Variants in NEMP2 observed in about 807,000 individuals in gnomAD.
The protein encoded by NEMP2 is nuclear envelope integral membrane protein 2.
In NEMP2, 53 loss-of-function variants were observed where a neutral mutation model predicts 54.2. The ratio of observed to expected loss-of-function variants is 0.98; its 90% CI spans 0.78 to 1.23. The LOEUF (loss-of-function observed/expected upper bound fraction) is 1.23, where lower values mean the gene tolerates loss of function less well. NEMP2 is among the 50% of genes most tolerant of loss of function. The pLI is 0.00. For missense variants in NEMP2, 455 were observed against 511.3 expected, an observed-to-expected ratio of 0.89 and a Z score of 1.06; for synonymous variants, 197 against 190.3, an observed-to-expected ratio of 1.04 and a Z score of -0.29.
chr2:190,611,328 A>G, the NEMP2 span, among the ~76,000 whole-genome samples: 1 of 152,342 alleles, frequency 6.6e-6, no homozygotes, highest in South Asian at 2.1e-4. This position sits in a 1 kb window ranked among gnomAD's most constrained non-coding sequence, Gnocchi z 5.4. Context: ...TCTGTATAAT[A>G]TTTATACCAA....
At chr2:190,595,144 A>C in the NEMP2 span, among the ~76,000 whole-genome samples, 20 of 152,294 alleles carry the variant, frequency 1.3e-4, no homozygotes, top group East Asian at 2.9e-3. The surrounding 1 kb of genome is among the most constrained non-coding windows in gnomAD (Gnocchi z 4.0). Context: ...CAAAAACAAG[A>C]AATGGGGGAA....
chr2:190,557,237 A>G, the NEMP2 span, among the ~76,000 whole-genome samples: 4 of 152,258 alleles, frequency 2.6e-5, no homozygotes, highest in African/African-American at 4.8e-5. Flanking sequence ...ACAATTCCCT[A>G]TTTAATAAAT....
In NEMP2 at chr2:190,527,538, A is replaced by G. The variant is rs2125341293; in HGVS notation, c.98-2160T>C. Among the ~76,000 whole-genome samples, 1 of 152,308 alleles carries G rather than the reference A, an allele frequency of 6.6e-6. No individual in the cohort carries two copies. The highest frequency in any genetic ancestry group is 1.5e-5 in the Non-Finnish European group (1 of 68,018). On this transcript the variant is annotated intron_variant, in intron 1 of 8. Coordinates refer to ENST00000409150, the MANE Select transcript of NEMP2 (RefSeq NM_001142645.2). The surrounding 1 kb of genome is among the most constrained non-coding windows in gnomAD (Gnocchi z 4.0). ...TACTCTTCACATTATGATAAAATGC[A>G]TATGTTTCTAAATATATCAAGAAAT...
At chr2:190,616,711 T>C in the NEMP2 span, 1 of 152,192 alleles carries the variant, frequency 6.6e-6, no homozygotes, top group East Asian at 1.9e-4. This position sits in a 1 kb window ranked among gnomAD's most constrained non-coding sequence, Gnocchi z 5.1. Context: ...GTTCCTAACC[T>C]AAACTCTAAG....
chr2:190,510,044 C>G lies in NEMP2; in HGVS notation c.1130+317G>C, dbSNP rs778784010. The stretch of plus-strand genomic sequence containing the variant: ...TGACAGAGCAAGACTCCATCTAAAA[C>G]AAAACAAAACAAAAAAGATTTTCCC... On this transcript the variant is annotated intron_variant, in intron 8 of 8. Coordinates refer to ENST00000409150, the MANE Select transcript of NEMP2 (RefSeq NM_001142645.2). This position sits in a 1 kb window ranked among gnomAD's most constrained non-coding sequence, Gnocchi z 5.7. Among the ~76,000 whole-genome samples the G allele has an allele frequency of 6.6e-6, 1 of 152,170 alleles. No homozygotes were observed. Among genetic ancestry groups the G allele is most frequent in the Admixed American group, 6.5e-5 (1 of 15,282 alleles).
chr2:190,633,127 G>A, the NEMP2 span, among the ~76,000 whole-genome samples: 1 of 152,068 alleles, frequency 6.6e-6, no homozygotes. Flanking sequence ...AGTGCATTCT[G>A]ATTGCACCCT....
the NEMP2 span, among the ~76,000 whole-genome samples, chr2:190,494,857 A>G: frequency 1.3e-5 from 2 of 152,190 alleles, no homozygotes; most frequent in African/African-American, 2.4e-5. This position sits in a 1 kb window ranked among gnomAD's most constrained non-coding sequence, Gnocchi z 5.7. Context: ...ACACAGTGAA[A>G]TAAAAGCCAT....
downstream of NEMP2, chr2:190,500,069 T>A: frequency 6.2e-7 from 1 of 1,614,194 alleles, no homozygotes; most frequent in Non-Finnish European, 8.5e-7. This position sits in a 1 kb window ranked among gnomAD's most constrained non-coding sequence, Gnocchi z 5.3. Flanking sequence ...GCCTGTCCCA[T>A]GTGAGACTCA....
In NEMP2 at chr2:190,513,279, C is replaced by T. The variant is rs979576124; in HGVS notation, c.953+1174G>A. ...GAGATTTCACATTCTAATCGTAATT[C>T]CCATTTCCAATTTTTCTAGAAAACC... On this transcript the variant is annotated intron_variant, in intron 7 of 8. Transcript: ENST00000409150. The surrounding 1 kb of genome is among the most constrained non-coding windows in gnomAD (Gnocchi z 5.3). Among the ~76,000 whole-genome samples, 2 of 152,144 alleles carry T rather than the reference C, an allele frequency of 1.3e-5. No individual in the cohort carries two copies. The highest frequency in any genetic ancestry group is 4.1e-4 in the South Asian group (2 of 4,826).
chr2:190,604,253 G>A, the NEMP2 span, among the ~76,000 whole-genome samples: 32 of 152,304 alleles, frequency 2.1e-4, no homozygotes, highest in Admixed American at 3.9e-4. This position sits in a 1 kb window ranked among gnomAD's most constrained non-coding sequence, Gnocchi z 4.5. Context: ...GATTTCATCC[G>A]TTTGAGGGTG....
the NEMP2 span, among the ~76,000 whole-genome samples, chr2:190,462,231 T>C: frequency 1.3e-5 from 2 of 152,164 alleles, no homozygotes; most frequent in Non-Finnish European, 2.9e-5. This position sits in a 1 kb window ranked among gnomAD's most constrained non-coding sequence, Gnocchi z 5.7. Context: ...AGAATAACCA[T>C]TGTTTTAAGA....
the NEMP2 span, among the ~76,000 whole-genome samples, chr2:190,561,052 A>G: frequency 1.3e-5 from 2 of 152,190 alleles, no homozygotes; most frequent in Admixed American, 1.3e-4. The surrounding 1 kb of genome is among the most constrained non-coding windows in gnomAD (Gnocchi z 5.4). Flanking sequence ...TTCTTCCTCG[A>G]GGACTAGGAG....
chr2:190,438,197 A>G, the NEMP2 span, among the ~76,000 whole-genome samples: 1 of 126,544 alleles, frequency 7.9e-6, no homozygotes, highest in Admixed American at 9.0e-5. The surrounding 1 kb of genome is among the most constrained non-coding windows in gnomAD (Gnocchi z 5.2). Context: ...AAAATTTCCC[A>G]TGTAATTCTT....
At chr2:190,446,439 A>G in the NEMP2 span, among the ~76,000 whole-genome samples, 1 of 152,202 alleles carries the variant, frequency 6.6e-6, no homozygotes, top group African/African-American at 2.4e-5. Flanking sequence ...TCCAACTGCT[A>G]CAGCTCCCTA....
At chr2:190,580,418 G>A in the NEMP2 span, among the ~76,000 whole-genome samples, 11 of 152,200 alleles carry the variant, frequency 7.2e-5, no homozygotes, top group African/African-American at 2.6e-4. The surrounding 1 kb of genome is among the most constrained non-coding windows in gnomAD (Gnocchi z 5.3). Flanking sequence ...TAAATGTCAG[G>A]GACTTCTTGG....
the NEMP2 span, among the ~76,000 whole-genome samples, chr2:190,604,753 T>C: frequency 6.6e-6 from 1 of 152,134 alleles, no homozygotes; most frequent in Non-Finnish European, 1.5e-5. This position sits in a 1 kb window ranked among gnomAD's most constrained non-coding sequence, Gnocchi z 4.5. Context: ...TTTTAAAAAA[T>C]GATAATATTG....
chr2:190,529,012 C>A lies in NEMP2; in HGVS notation c.98-3634G>T, dbSNP rs533486081. Among the ~76,000 whole-genome samples the A allele has an allele frequency of 6.6e-6, 1 of 152,284 alleles. No homozygotes were observed. The highest frequency in any genetic ancestry group is 1.9e-4 in the East Asian group (1 of 5,180). ...CCCCCAACTACCATGTTTTCCCCTA[C>A]AACACACTTTTCAATTAGCAAATAG... On this transcript the variant is annotated intron_variant, in intron 1 of 8. Coordinates refer to ENST00000409150, the MANE Select transcript of NEMP2 (RefSeq NM_001142645.2). This position sits in a 1 kb window ranked among gnomAD's most constrained non-coding sequence, Gnocchi z 4.7.
chr2:190,436,799 A>G, the NEMP2 span: 87 of 1,614,106 alleles, frequency 5.4e-5, no homozygotes, highest in Middle Eastern at 3.3e-4. This position sits in a 1 kb window ranked among gnomAD's most constrained non-coding sequence, Gnocchi z 5.3. Context: ...AGCGTAACCA[A>G]GGAGACAACC....
chr2:190,615,834 T>C, the NEMP2 span, among the ~76,000 whole-genome samples: 1 of 152,108 alleles, frequency 6.6e-6, no homozygotes, highest in Non-Finnish European at 1.5e-5. This position sits in a 1 kb window ranked among gnomAD's most constrained non-coding sequence, Gnocchi z 4.7. Flanking sequence ...AGAGACCAAA[T>C]ATATCTATTT....
Sources: gnomAD v4.1 joint callset for allele counts (sites outside exome capture counted in the v4.1 genomes callset) on GRCh38, gnomAD v4.1.1 for gene constraint, Gnocchi (gnomAD v3.1) non-coding constraint, MANE v1.5 for transcripts, NCBI Gene and HGNC (gene_info 2026-07-23, HGNC 2026-07-21) for gene names.